PTPRD: variants seen among roughly 807,000 people sequenced by gnomAD.
PTPRD encodes the protein receptor-type tyrosine-protein phosphatase delta.
In PTPRD, 34 loss-of-function variants were observed where a neutral mutation model predicts 214.5. The ratio of observed to expected loss-of-function variants is 0.16; its 90% CI spans 0.12 to 0.21. PTPRD has a LOEUF of 0.21. Among genes scored for constraint, PTPRD ranks in the 10% least tolerant of loss-of-function variants. The probability of loss-of-function intolerance (pLI) is 1.00; values close to 1 mark genes in which losing one functional copy is unlikely to be tolerated. For missense variants in PTPRD, 2,545 were observed against 2,398.7 expected, an observed-to-expected ratio of 1.06 and a Z score of -1.27; for synonymous variants, 1,128 against 845.7, an observed-to-expected ratio of 1.33 and a Z score of -5.79.
intron 8 of PTPRD, among the ~76,000 whole-genome samples, chr9:9,478,609 C>T (rs2095235031): frequency 6.6e-6 from 1 of 152,172 alleles, no homozygotes; most frequent in Admixed American, 6.5e-5. Context: ...TACTGTCCTG[C>T]ATCCCCCTCT....
At chr9:9,405,365 C>T (rs947350892) in intron 8 of PTPRD, among the ~76,000 whole-genome samples, 16 of 151,916 alleles carry the variant, frequency 1.1e-4, no homozygotes, top group African/African-American at 3.6e-4. Flanking sequence ...TACCAATTAC[C>T]ATAGAAGTTG....
intron 12 of PTPRD, among the ~76,000 whole-genome samples, chr9:8,669,443 G>T (rs1332290189): frequency 6.6e-6 from 1 of 152,106 alleles, no homozygotes; most frequent in African/African-American, 2.4e-5. Context: ...ACAGTGGTGA[G>T]GTGTACCAGG....
At chr9:9,495,332 A>T (rs889947653) in intron 8 of PTPRD, among the ~76,000 whole-genome samples, 7 of 151,386 alleles carry the variant, frequency 4.6e-5, no homozygotes, top group African/African-American at 1.7e-4. Context: ...AAAAGCAACA[A>T]CAACAACAAC....
At chr9:9,911,973 T>G (rs1376470002) in intron 5 of PTPRD, among the ~76,000 whole-genome samples, 1 of 152,118 alleles carries the variant, frequency 6.6e-6, no homozygotes, top group Non-Finnish European at 1.5e-5. Context: ...TCATTAGACT[T>G]AAAAGTAAGA....
chr9:10,397,591 G>A (rs2154494172), intron 2 of PTPRD, among the ~76,000 whole-genome samples: 1 of 152,058 alleles, frequency 6.6e-6, no homozygotes, highest in South Asian at 2.1e-4. Context: ...ATCTAACAGT[G>A]ATCCCATAAT....
intron 22 of PTPRD, among the ~76,000 whole-genome samples, chr9:8,504,724 T>G (rs1321203135): frequency 6.6e-6 from 1 of 152,192 alleles, no homozygotes; most frequent in Non-Finnish European, 1.5e-5. Context: ...TGCCGTTAAA[T>G]GTGTGTATGT....
intron 2 of PTPRD, among the ~76,000 whole-genome samples, chr9:10,539,364 TA>T (rs1221034794): frequency 6.6e-6 from 1 of 152,128 alleles, no homozygotes; most frequent in Non-Finnish European, 1.5e-5. Context: ...TTTGTATTTT[TA>T]GTAGAGACGG....
intron 2 of PTPRD, among the ~76,000 whole-genome samples, chr9:10,456,235 G>T (rs535500324): frequency 1.3e-5 from 2 of 151,816 alleles, no homozygotes; most frequent in South Asian, 4.1e-4. Flanking sequence ...AATTAAATGG[G>T]TATAGTTTTA....
intron 11 of PTPRD, among the ~76,000 whole-genome samples, chr9:8,811,950 CA>C (rs963201153): frequency 2.7e-4 from 40 of 148,836 alleles, no homozygotes; most frequent in African/African-American, 9.4e-4. Flanking sequence ...AAGATCTGCA[CA>C]GGGAAGCTTC....
intron 8 of PTPRD, among the ~76,000 whole-genome samples, chr9:9,509,989 G>T (rs1441813586): frequency 6.6e-6 from 1 of 151,486 alleles, no homozygotes; most frequent in Non-Finnish European, 1.5e-5. Context: ...AAAGCAAGAA[G>T]AGTGAGAAAT....
intron 2 of PTPRD, among the ~76,000 whole-genome samples, chr9:10,469,746 A>G (rs1051997748): frequency 3.9e-5 from 6 of 152,148 alleles, no homozygotes; most frequent in African/African-American, 1.4e-4. Context: ...TAGCCAATAT[A>G]TAGAACCAAC....
At chr9:9,005,215 G>C (rs2099455522) in intron 11 of PTPRD, among the ~76,000 whole-genome samples, 1 of 151,994 alleles carries the variant, frequency 6.6e-6, no homozygotes, top group Non-Finnish European at 1.5e-5. Flanking sequence ...CTTTCTATCT[G>C]ATCAGTTCAT....
intron 4 of PTPRD, among the ~76,000 whole-genome samples, chr9:10,018,712 T>A (rs2096779608): frequency 1.3e-5 from 2 of 150,148 alleles, no homozygotes; most frequent in Non-Finnish European, 3.0e-5. Context: ...TACGCCCGGC[T>A]AATTTTTTTT....
At chr9:9,101,188 G>GAAAC (rs1569541930) in intron 10 of PTPRD, among the ~76,000 whole-genome samples, 1 of 150,882 alleles carries the variant, frequency 6.6e-6, no homozygotes, top group African/African-American at 2.4e-5. Context: ...AAACAAACCC[G>GAAAC]AAACAAACAA....
chr9:9,987,334 G>C (rs905028598), intron 4 of PTPRD, among the ~76,000 whole-genome samples: 1 of 152,132 alleles, frequency 6.6e-6, no homozygotes, highest in Admixed American at 6.5e-5. Flanking sequence ...AGACATGCCG[G>C]AGACTGGGCA....
Position 10,215,188 on chromosome 9 carries a change from A to T in PTPRD, c.-545+125775T>A, listed in dbSNP as rs148570479. The stretch of plus-strand genomic sequence containing the variant: ...AAATAAGGTACCATAAATAAAAGTC[A>T]GAAAAATAAAACATTAAGGAGTCAG... On this transcript the variant is annotated intron_variant, in intron 3 of 45. Transcript: ENST00000381196. Among the ~76,000 whole-genome samples the T allele has an allele frequency of 9.2e-3, 1,396 of 151,936 alleles. 11 individuals carry two copies. Among genetic ancestry groups the T allele is most frequent in the Non-Finnish European group, 0.013 (900 of 67,926 alleles).
chr9:8,710,274 C>T (rs1344904069), intron 12 of PTPRD, among the ~76,000 whole-genome samples: 3 of 152,120 alleles, frequency 2.0e-5, no homozygotes, highest in Non-Finnish European at 4.4e-5. Flanking sequence ...CAAGTACATT[C>T]AGCTCATGTT....
At chr9:10,603,646 A>G (rs2133456524) in intron 2 of PTPRD, among the ~76,000 whole-genome samples, 1 of 152,060 alleles carries the variant, frequency 6.6e-6, no homozygotes, top group South Asian at 2.1e-4. Context: ...GGTATAAATA[A>G]GTTAATGCAT....
intron 21 of PTPRD, among the ~76,000 whole-genome samples, chr9:8,513,252 A>G (rs2097716947): frequency 6.6e-6 from 1 of 152,080 alleles, no homozygotes; most frequent in Non-Finnish European, 1.5e-5. Flanking sequence ...GTTCACAATC[A>G]AGGAGAAAAA....
Sources: gnomAD v4.1 joint callset for allele counts (sites outside exome capture counted in the v4.1 genomes callset) on GRCh38, gnomAD v4.1.1 for gene constraint, MANE v1.5 for transcripts, NCBI Gene and HGNC (gene_info 2026-07-23, HGNC 2026-07-21) for gene names.